The following CPPED1 variants were observed in gnomAD, a reference collection of about 807,000 sequenced individuals.
The protein encoded by CPPED1 is calcineurin like phosphoesterase domain containing 1, also known as serine/threonine-protein phosphatase CPPED1.
A neutral mutation model predicts 28.0 loss-of-function variants in CPPED1; 28 were observed. The ratio of observed to expected loss-of-function variants is 1.00; its 90% CI spans 0.74 to 1.37. The LOEUF is 1.37. Ranked by LOEUF, CPPED1 falls within the 40% of genes most tolerant of loss-of-function variation. The pLI is 0.00. For missense variants in CPPED1, 504 were observed against 416.5 expected (o/e 1.21, Z -1.83); for synonymous variants, 198 against 180.2 (o/e 1.10, Z -0.79).
chr16:12,754,902 T>C (rs74562350), intron 2 of CPPED1, among the ~76,000 whole-genome samples: 3,234 of 152,224 alleles, frequency 0.021, 77 homozygotes, highest in Admixed American at 0.034. Context: ...GTCCCAGCTA[T>C]TCAGGAGCTG....
intron 3 of CPPED1, among the ~76,000 whole-genome samples, chr16:12,697,817 AAGT>A (rs2079999957): frequency 6.6e-6 from 1 of 152,116 alleles, no homozygotes; most frequent in African/African-American, 2.4e-5. Flanking sequence ...TCCCATACAA[AAGT>A]CAGCTTGTGG....
chr16:12,795,630 G>A (rs943378830), intron 1 of CPPED1, among the ~76,000 whole-genome samples: 4 of 152,132 alleles, frequency 2.6e-5, no homozygotes, highest in African/African-American at 4.8e-5. Context: ...GTGAGCCACT[G>A]TACCCAGCCA....
intron 2 of CPPED1, among the ~76,000 whole-genome samples, chr16:12,755,344 C>G (rs949479397): frequency 6.8e-6 from 1 of 147,312 alleles, no homozygotes; most frequent in African/African-American, 2.5e-5. Flanking sequence ...TTCAGTGGCA[C>G]GATCATAGCT....
chr16:12,664,541 C>T lies in CPPED1; in HGVS notation c.*345G>A, dbSNP rs1283153871. ...TTGGCTGTCAGATTGGAATTGAGGT[C>T]GATAGGCAGACTTTGACCATATGCT... On this transcript the variant is annotated 3_prime_UTR_variant, in exon 4 of 4. Coordinates refer to ENST00000381774, the MANE Select transcript of CPPED1 (RefSeq NM_018340.3). This position sits in a 1 kb window ranked among gnomAD's most constrained non-coding sequence, Gnocchi z 4.2. 5 of 1,084,990 alleles carry T rather than the reference C, an allele frequency of 4.6e-6. No homozygotes were observed. Among genetic ancestry groups the T allele is most frequent in the South Asian group, 2.6e-5 (1 of 38,004 alleles). 67.2% of individuals were successfully genotyped at this position (1,084,990 alleles called of 1,614,324 possible).
In CPPED1 at chr16:12,743,749, A is replaced by C. The variant is rs148883523; in HGVS notation, c.289+37436T>G. Among the ~76,000 whole-genome samples the C allele has an allele frequency of 2.0e-4, 31 of 152,284 alleles. No homozygotes were observed. In the East Asian group the frequency reaches 6.0e-3, roughly 29 times the overall value. ...CTGAGCACGGTGGCTCACACCTGTAATTCCAGCACTTTAGGAGGTCAAGGC... is the reference window on the plus strand; with the variant it reads ...CTGAGCACGGTGGCTCACACCTGTACTTCCAGCACTTTAGGAGGTCAAGGC... On this transcript the variant is annotated intron_variant, in intron 2 of 3. Coordinates refer to ENST00000381774, the MANE Select transcript of CPPED1 (RefSeq NM_018340.3).
intron 2 of CPPED1, among the ~76,000 whole-genome samples, chr16:12,734,043 GT>G (rs1567289973): frequency 1.1e-5 from 1 of 89,524 alleles, no homozygotes. Flanking sequence ...CTTTGTCTCT[GT>G]TTTCAAATTA....
rs1380069703 is a variant in CPPED1, at chr16:12,663,200, A to T, written c.*1686T>A. 3.9e-5 allele frequency: 6 copies of T among 152,066 alleles called. No individual in the cohort carries two copies. The highest frequency in any genetic ancestry group is 1.2e-4 in the African/African-American group (5 of 41,298). 9.4% of individuals were successfully genotyped at this position (152,066 alleles called of 1,614,324 possible). A position where few individuals can be genotyped will look rare whatever the true frequency, so the allele number is the denominator to read the frequency against. On this transcript the variant is annotated 3_prime_UTR_variant, in exon 4 of 4. Coordinates refer to ENST00000381774, the MANE Select transcript of CPPED1 (RefSeq NM_018340.3). ...CTCAGCCTCCCGAGTAGCTGGGATT[A>T]CAGGTGTGCACCAGCATGCCTGGCT...
chr16:12,799,699 AGTG>A, intron 1 of CPPED1, among the ~76,000 whole-genome samples: 1 of 152,204 alleles, frequency 6.6e-6, no homozygotes, highest in Non-Finnish European at 1.5e-5. Flanking sequence ...ATTGTCAATG[AGTG>A]CAATGGAAGC....
At position 12,756,062 on chromosome 16, in the gene CPPED1, C is replaced by T. The variant is rs547800469; in HGVS notation, c.289+25123G>A. 4.6e-5 allele frequency among the ~76,000 whole-genome samples: 7 copies of T among 150,898 alleles called. No homozygotes were observed. In the South Asian group the frequency reaches 1.3e-3, roughly 27 times the overall value. ...AGGAGAATGGCGTGAACCCAGGAGG[C>T]GGAGCTTGCAGTGAGCCAAGATCGC... is the stretch of plus-strand genomic sequence containing the variant. On this transcript the variant is annotated intron_variant, in intron 2 of 3. Coordinates refer to ENST00000381774, the MANE Select transcript of CPPED1 (RefSeq NM_018340.3).
intron 2 of CPPED1, among the ~76,000 whole-genome samples, chr16:12,764,105 T>A (rs565279139): frequency 3.3e-5 from 5 of 151,848 alleles, no homozygotes; most frequent in Non-Finnish European, 5.9e-5. Context: ...TAATTTTTCA[T>A]GAAAAAGCAT....
intron 2 of CPPED1, among the ~76,000 whole-genome samples, chr16:12,780,091 G>A (rs1458454367): frequency 2.6e-5 from 4 of 152,246 alleles, no homozygotes; most frequent in African/African-American, 4.8e-5. Context: ...TTTAGGGCAC[G>A]TGGTTGCAGT....
At chr16:12,699,975 G>A (rs1334530017) in intron 3 of CPPED1, among the ~76,000 whole-genome samples, 1 of 152,136 alleles carries the variant, frequency 6.6e-6, no homozygotes, top group Non-Finnish European at 1.5e-5. Flanking sequence ...TCATGGATGC[G>A]TACAGCCAAG....
intron 2 of CPPED1, among the ~76,000 whole-genome samples, chr16:12,756,888 CCCCCTAGAGAGTATTAAA>C (rs758262279): frequency 6.7e-6 from 1 of 149,978 alleles, no homozygotes. Flanking sequence ...AAAAGTGTTT[CCCCCTAGAGAGTATTAAA>C]CATCCATGTT....
At chr16:12,721,886 A>T (rs2080142923) in intron 2 of CPPED1, among the ~76,000 whole-genome samples, 1 of 152,182 alleles carries the variant, frequency 6.6e-6, no homozygotes, top group South Asian at 2.1e-4. Context: ...GACCTTCAAA[A>T]TATTTTCTCT....
chr16:12,745,333 GGAATA>G (rs1468877213), intron 2 of CPPED1, among the ~76,000 whole-genome samples: 1 of 152,130 alleles, frequency 6.6e-6, no homozygotes, highest in African/African-American at 2.4e-5. Context: ...CATACCCAGA[GGAATA>G]TAAAGCATTC....
At chr16:12,798,666 T>A (rs1314759461) in intron 1 of CPPED1, among the ~76,000 whole-genome samples, 4 of 152,186 alleles carry the variant, frequency 2.6e-5, no homozygotes, top group Admixed American at 2.0e-4. Context: ...AGGGAAAATA[T>A]CAAACTGGAA....
intron 1 of CPPED1, among the ~76,000 whole-genome samples, chr16:12,790,860 C>T (rs890652652): frequency 1.4e-4 from 19 of 138,176 alleles, no homozygotes; most frequent in Admixed American, 3.3e-4. Flanking sequence ...ACCTTGGAGG[C>T]GGAGGCTGCA....
At chr16:12,700,022 C>A (rs2080012261) in intron 3 of CPPED1, among the ~76,000 whole-genome samples, 1 of 152,202 alleles carries the variant, frequency 6.6e-6, no homozygotes, top group South Asian at 2.1e-4. Flanking sequence ...CCCAGCAAGT[C>A]TATCTGCCTG....
At chr16:12,749,840 T>C (rs2080315909) in intron 2 of CPPED1, among the ~76,000 whole-genome samples, 1 of 152,194 alleles carries the variant, frequency 6.6e-6, no homozygotes, top group African/African-American at 2.4e-5. Context: ...GCTGCCTGCC[T>C]TGGGCTTCCA....
Sources: gnomAD v4.1 joint callset for allele counts (sites outside exome capture counted in the v4.1 genomes callset) on GRCh38, gnomAD v4.1.1 for gene constraint, Gnocchi (gnomAD v3.1) non-coding constraint, MANE v1.5 for transcripts, NCBI Gene and HGNC (gene_info 2026-07-23, HGNC 2026-07-21) for gene names.